Variants in LHFPL6 observed in about 807,000 individuals in gnomAD.
LHFPL6 encodes LHFPL tetraspan subfamily member 6.
Under a neutral mutation model 20.6 loss-of-function variants are expected in LHFPL6, and 9 were observed. The observed-to-expected ratio is 0.44, with a 90% CI of 0.26 to 0.76. The LOEUF is 0.76. Among genes scored for constraint, LHFPL6 ranks in the 30% least tolerant of loss-of-function variants. The pLI is 0.20. For missense variants in LHFPL6, 218 were observed against 253.5 expected (o/e 0.86, Z 0.95); for synonymous variants, 105 against 98.7 (o/e 1.06, Z -0.38).
chr13:39,385,203 G>A (rs983618899), intron 2 of LHFPL6, among the ~76,000 whole-genome samples: 2 of 152,176 alleles, frequency 1.3e-5, no homozygotes, highest in African/African-American at 4.8e-5. Flanking sequence ...GAGAGATGCT[G>A]CCTCCTAAAA....
chr13:39,576,136 C>T lies in LHFPL6; in HGVS notation c.385+24696G>A, dbSNP rs539834400. On this transcript the variant is annotated intron_variant, in intron 2 of 3. Coordinates refer to ENST00000379589, the MANE Select transcript of LHFPL6 (RefSeq NM_005780.3). ...TGGCAATTCCATTTGGGACTTGTTCCTATGTCTCCAAAAGTAGAGGAAATA... is the reference window on the plus strand; with the variant it reads ...TGGCAATTCCATTTGGGACTTGTTCTTATGTCTCCAAAAGTAGAGGAAATA... 2.6e-5 allele frequency among the ~76,000 whole-genome samples: 4 copies of T among 152,242 alleles called. No homozygotes were observed. The East Asian group carries it at 7.7e-4, about 29-fold the overall frequency.
At chr13:39,398,857 G>T (rs1870910513) in intron 2 of LHFPL6, among the ~76,000 whole-genome samples, 1 of 152,298 alleles carries the variant, frequency 6.6e-6, no homozygotes, top group Non-Finnish European at 1.5e-5. Flanking sequence ...CTCCTTATGA[G>T]AATCTAATGC....
chr13:39,458,606 G>A (rs1173313384), intron 2 of LHFPL6, among the ~76,000 whole-genome samples: 1 of 151,852 alleles, frequency 6.6e-6, no homozygotes, highest in East Asian at 1.9e-4. Context: ...GGCTGAGATG[G>A]GAGGATCACC....
At chr13:39,566,770 A>T (rs1263249794) in intron 2 of LHFPL6, among the ~76,000 whole-genome samples, 3 of 150,284 alleles carry the variant, frequency 2.0e-5, no homozygotes, top group Non-Finnish European at 4.4e-5. Context: ...ATTTGCTTTA[A>T]AGGGCATTGT....
Position 39,601,289 on chromosome 13 carries a change from TCACCAGGGAC to T in LHFPL6, c.-83_-74del. The T allele has an allele frequency of 6.9e-7, 1 of 1,449,576 alleles. No homozygotes were observed. The highest frequency in any genetic ancestry group is 9.3e-7 in the Non-Finnish European group (1 of 1,077,772). 89.8% of individuals were successfully genotyped at this position (1,449,576 alleles called of 1,614,324 possible). ...TGCAGGAGTGAATGAAGGTGTGAAA[TCACCAGGGAC>T]CCACAGATAATCCACAGTTCCGTAA... On this transcript the variant is annotated 5_prime_UTR_variant, in exon 2 of 4. The change creates a premature stop within an existing upstream ORF in the 5' untranslated region. Coordinates refer to ENST00000379589, the MANE Select transcript of LHFPL6 (RefSeq NM_005780.3).
At chr13:39,550,244 A>T (rs1462633319) in intron 2 of LHFPL6, among the ~76,000 whole-genome samples, 1 of 152,104 alleles carries the variant, frequency 6.6e-6, no homozygotes, top group African/African-American at 2.4e-5. Flanking sequence ...CAGGTCACTG[A>T]TTGTCAGAGC....
chr13:39,536,086 T>A (rs1566135492), intron 2 of LHFPL6, among the ~76,000 whole-genome samples: 1 of 152,202 alleles, frequency 6.6e-6, no homozygotes, highest in Non-Finnish European at 1.5e-5. Context: ...TGGTAAAATA[T>A]CTGTTTGCCA....
chr13:39,573,419 G>A (rs1871998160), intron 2 of LHFPL6, among the ~76,000 whole-genome samples: 1 of 151,700 alleles, frequency 6.6e-6, no homozygotes, highest in African/African-American at 2.4e-5. Flanking sequence ...AAAAATAATT[G>A]GAAGATCTTA....
At chr13:39,443,493 C>G (rs547903277) in intron 2 of LHFPL6, among the ~76,000 whole-genome samples, 4 of 152,134 alleles carry the variant, frequency 2.6e-5, no homozygotes, top group African/African-American at 9.6e-5. Context: ...TGCATAGAGG[C>G]TGGAAAAATT....
At chr13:39,557,358 A>G (rs1157505633) in intron 2 of LHFPL6, among the ~76,000 whole-genome samples, 2 of 152,206 alleles carry the variant, frequency 1.3e-5, no homozygotes, top group African/African-American at 4.8e-5. Context: ...ATGGAATGCA[A>G]GAGCGAAGGG....
intron 2 of LHFPL6, among the ~76,000 whole-genome samples, chr13:39,466,372 G>GAA (rs1192409123): frequency 3.3e-5 from 5 of 152,176 alleles, no homozygotes; most frequent in African/African-American, 1.2e-4. Context: ...AATTCAAGTT[G>GAA]AAAAATATTG....
intron 2 of LHFPL6, among the ~76,000 whole-genome samples, chr13:39,406,603 AT>A (rs1236325036): frequency 7.7e-4 from 25 of 32,282 alleles, no homozygotes; most frequent in Non-Finnish European, 5.7e-5. Flanking sequence ...GTTGTTCAAT[AT>A]TTTTGATAAA....
intron 2 of LHFPL6, among the ~76,000 whole-genome samples, chr13:39,395,524 T>C (rs1045074867): frequency 2.6e-5 from 4 of 152,188 alleles, no homozygotes; most frequent in African/African-American, 9.7e-5. Context: ...CAAAGACTGA[T>C]AAGGACGTCT....
intron 2 of LHFPL6, among the ~76,000 whole-genome samples, chr13:39,522,135 C>CT (rs1476330898): frequency 6.6e-6 from 1 of 152,202 alleles, no homozygotes; most frequent in East Asian, 1.9e-4. Context: ...AGACAAAAAT[C>CT]TATCTTCTCC....
At chr13:39,511,206 A>G (rs552837439) in intron 2 of LHFPL6, among the ~76,000 whole-genome samples, 2 of 151,666 alleles carry the variant, frequency 1.3e-5, no homozygotes, top group East Asian at 1.9e-4. Flanking sequence ...TCAAATGGAC[A>G]AAAAAAAAGT....
chr13:39,368,460 T>C (rs1870066904), intron 3 of LHFPL6, among the ~76,000 whole-genome samples: 1 of 152,160 alleles, frequency 6.6e-6, no homozygotes, highest in Admixed American at 6.5e-5. Flanking sequence ...TGCACGCCTG[T>C]AGTCCCAGCA....
chr13:39,399,947 GC>G (rs1374446931), intron 2 of LHFPL6, among the ~76,000 whole-genome samples: 2 of 152,122 alleles, frequency 1.3e-5, no homozygotes, highest in African/African-American at 4.8e-5. Context: ...CACAAAGTTA[GC>G]CAGACCTGGT....
intron 2 of LHFPL6, among the ~76,000 whole-genome samples, chr13:39,442,542 G>C: frequency 1.3e-5 from 2 of 152,202 alleles, no homozygotes; most frequent in African/African-American, 4.8e-5. Flanking sequence ...CATGAAAGAA[G>C]AAGGCATAGG....
At chr13:39,598,430 G>A (rs73468862) in intron 2 of LHFPL6, among the ~76,000 whole-genome samples, 2,910 of 152,060 alleles carry the variant, frequency 0.019, 81 homozygotes, top group African/African-American at 0.062. Flanking sequence ...TTGTGCCCTC[G>A]AGAGGTGAGA....
Sources: allele counts gnomAD v4.1 joint callset (sites outside exome capture counted in the v4.1 genomes callset), GRCh38; gene constraint gnomAD v4.1.1; transcripts MANE v1.5; gene names NCBI Gene and HGNC (gene_info 2026-07-23, HGNC 2026-07-21).